The following MTMR3 variants were observed in gnomAD, a reference collection of about 807,000 sequenced individuals.
The protein encoded by MTMR3 is phosphatidylinositol-3,5-bisphosphate 3-phosphatase MTMR3.
Under a neutral mutation model 132.4 loss-of-function variants are expected in MTMR3, and 32 were observed. The observed-to-expected ratio is 0.24, with a 90% CI of 0.18 to 0.32. The LOEUF is 0.32. MTMR3 is among the 10% of genes least tolerant of loss of function. The probability of loss-of-function intolerance (pLI) is 1.00; values close to 1 mark genes in which losing one functional copy is unlikely to be tolerated. For missense variants in MTMR3, 1,216 were observed against 1,489.6 expected, an observed-to-expected ratio of 0.82 and a Z score of 3.02; for synonymous variants, 556 against 550.3, an observed-to-expected ratio of 1.01 and a Z score of -0.14.
intron 1 of MTMR3, among the ~76,000 whole-genome samples, chr22:29,947,269 GGAAATGTAATATTATTCT>G (rs1371167588): frequency 1.3e-5 from 2 of 151,980 alleles, no homozygotes; most frequent in Non-Finnish European, 2.9e-5. Context: ...GATTGACTTT[GGAAATGTAATATTATTCT>G]TAATTCACAG....
At chr22:29,991,859 G>A in intron 7 of MTMR3, 189 bp downstream of exon 7, 1 of 526,982 alleles carries the variant, frequency 1.9e-6, no homozygotes, top group Non-Finnish European at 3.1e-6. Context: ...GGGAAGGGAA[G>A]AACACTAGAA....
intron 1 of MTMR3, among the ~76,000 whole-genome samples, chr22:29,955,790 C>T (rs545940425): frequency 3.3e-4 from 50 of 152,198 alleles, no homozygotes; most frequent in Non-Finnish European, 6.0e-4. Flanking sequence ...CTCACACTGT[C>T]GCCAAGGCTG....
rs1555905377 is a variant in MTMR3, at chr22:29,957,274, T to TTC, written c.-85+186_-85+187insTC. 4.0e-5 allele frequency among the ~76,000 whole-genome samples: 6 copies of TTC among 151,356 alleles called. No homozygotes were observed. The East Asian group carries it at 7.7e-4, about 19-fold the overall frequency. ...CCTTACATGTGATTATTTTTTTTTTTCACTAGGACTCATACCAGGTCACTT... is the reference window on the plus strand; with the variant it reads ...CCTTACATGTGATTATTTTTTTTTTTTCCACTAGGACTCATACCAGGTCACTT... On this transcript the variant is annotated intron_variant, in intron 2 of 19. Transcript: ENST00000401950.
intron 1 of MTMR3, among the ~76,000 whole-genome samples, chr22:29,908,291 TA>T (rs2065141833): frequency 6.6e-6 from 1 of 152,234 alleles, no homozygotes; most frequent in South Asian, 2.1e-4. Flanking sequence ...ATACATAGTT[TA>T]GTAGTAAGCA....
intron 2 of MTMR3, among the ~76,000 whole-genome samples, chr22:29,958,047 C>CA (rs2066235764): frequency 6.6e-6 from 1 of 152,062 alleles, no homozygotes. Context: ...CAGGGATCCA[C>CA]AGGGGGTCTT....
At chr22:29,955,319 G>C (rs888901664) in intron 1 of MTMR3, among the ~76,000 whole-genome samples, 4 of 151,968 alleles carry the variant, frequency 2.6e-5, no homozygotes, top group African/African-American at 9.7e-5. Flanking sequence ...TAATGTCCTT[G>C]CTCTAATAAA....
At chr22:29,958,900 TAGATTGGTTTTAGTAG>T (rs1414060159) in intron 2 of MTMR3, among the ~76,000 whole-genome samples, 1 of 152,132 alleles carries the variant, frequency 6.6e-6, no homozygotes, top group South Asian at 2.1e-4. Context: ...GGGAGGAGAA[TAGATTGGTTTTAGTAG>T]AGATTGGTCA....
Position 30,028,166 on chromosome 22 carries a change from A to G in MTMR3, c.*2365A>G, listed in dbSNP as rs1601452498. On this transcript the variant is annotated 3_prime_UTR_variant, in exon 20 of 20. Coordinates refer to ENST00000401950, the MANE Select transcript of MTMR3 (RefSeq NM_021090.4). Reference sequence around the variant, plus strand: ...GTTCCCATCAGTAGTCATTACAACTACCTCTCGCCTCAAGGCTCCATTTTT... The same window carrying G: ...GTTCCCATCAGTAGTCATTACAACTGCCTCTCGCCTCAAGGCTCCATTTTT... 1 of 152,210 alleles carries G rather than the reference A, an allele frequency of 6.6e-6. No individual in the cohort carries two copies. Among genetic ancestry groups the G allele is most frequent in the South Asian group, 2.1e-4 (1 of 4,818 alleles). 9.4% of individuals were successfully genotyped at this position (152,210 alleles called of 1,614,324 possible). A position where few individuals can be genotyped will look rare whatever the true frequency, so the allele number is the denominator to read the frequency against.
At chr22:29,991,736 A>T in intron 7 of MTMR3, 66 bp downstream of exon 7, 1 of 1,465,208 alleles carries the variant, frequency 6.8e-7, no homozygotes, top group Non-Finnish European at 9.1e-7. Flanking sequence ...GGTACTTTTA[A>T]CATGAAATGG....
chr22:29,903,811 T>A (rs1010890917), intron 1 of MTMR3, among the ~76,000 whole-genome samples: 3 of 152,184 alleles, frequency 2.0e-5, no homozygotes, highest in Non-Finnish European at 4.4e-5. Context: ...TAATGTATGT[T>A]CCTTCTGATG....
At chr22:29,955,249 T>G (rs908012514) in intron 1 of MTMR3, among the ~76,000 whole-genome samples, 1 of 152,094 alleles carries the variant, frequency 6.6e-6, no homozygotes, top group African/African-American at 2.4e-5. Flanking sequence ...CCTCCCAAAG[T>G]GTTGGGATTA....
At chr22:29,979,218 C>A (rs955539585) in intron 5 of MTMR3, 166 bp downstream of exon 5, 2 of 516,402 alleles carry the variant, frequency 3.9e-6, no homozygotes, top group Non-Finnish European at 7.0e-6. Context: ...CTTGGCCAGG[C>A]GCGGTGGCTC....
In MTMR3 at chr22:30,007,252, C is replaced by T. The variant is rs764395988; in HGVS notation, c.810C>T (p.Ser270=). Residue 270 remains serine, a synonymous_variant, in exon 10 of 20, where the codon AGC becomes AGT. Coordinates refer to ENST00000401950, the MANE Select transcript of MTMR3 (RefSeq NM_021090.4). The part of the protein sequence containing the change: ...ACASDSRSSG[S]KLSTRNTSRD... ...CCTCTGACTCCCGATCGAGTGGCAG[C>T]AAGCTGTCAACTAGGAACACTTCTC... is the stretch of plus-strand genomic sequence containing the variant. The T allele has an allele frequency of 1.2e-6, 2 of 1,614,094 alleles. No homozygotes were observed. The highest frequency in any genetic ancestry group is 2.7e-5 in the African/African-American group (2 of 74,936).
chr22:29,971,081 G>T lies in MTMR3; in HGVS notation c.3+19G>T. 10 of 1,570,976 alleles carry T rather than the reference G, an allele frequency of 6.4e-6. No homozygotes were observed. The highest frequency in any genetic ancestry group is 8.6e-6 in the Non-Finnish European group (10 of 1,163,560). ...TGTCATGGTAAGTACAAGGAAATAA[G>T]AGTAAAAAAAAAAACAAAAAACCCT... On this transcript the variant is annotated intron_variant, in intron 3 of 19. Coordinates refer to ENST00000401950, the MANE Select transcript of MTMR3 (RefSeq NM_021090.4).
intron 1 of MTMR3, among the ~76,000 whole-genome samples, chr22:29,939,068 C>T (rs1041197577): frequency 1.3e-5 from 2 of 152,068 alleles, no homozygotes; most frequent in African/African-American, 4.8e-5. Context: ...ATGATATACC[C>T]GCCTCGGCCT....
chr22:29,913,009 G>A (rs560862372), intron 1 of MTMR3, among the ~76,000 whole-genome samples: 4 of 152,248 alleles, frequency 2.6e-5, no homozygotes, highest in African/African-American at 9.6e-5. Context: ...CTGGGAAGCC[G>A]AGGCGAGAGA....
chr22:29,977,898 G>C (rs2066660616), intron 3 of MTMR3, among the ~76,000 whole-genome samples: 2 of 152,194 alleles, frequency 1.3e-5, no homozygotes, highest in Admixed American at 1.3e-4. Context: ...TGTTATCGCA[G>C]CACTTTGGGA....
intron 1 of MTMR3, among the ~76,000 whole-genome samples, chr22:29,939,617 A>C (rs1336679186): frequency 1.3e-5 from 2 of 152,328 alleles, no homozygotes; most frequent in Middle Eastern, 3.4e-3. Context: ...GGTAGACCTT[A>C]GTGACTTTCT....
chr22:29,934,689 C>T (rs2065714309), intron 1 of MTMR3, among the ~76,000 whole-genome samples: 1 of 152,114 alleles, frequency 6.6e-6, no homozygotes, highest in Non-Finnish European at 1.5e-5. Flanking sequence ...GTTGTTTGTC[C>T]TACCCTGTTA....
Sources: allele counts gnomAD v4.1 joint callset (sites outside exome capture counted in the v4.1 genomes callset), GRCh38; gene constraint gnomAD v4.1.1; transcripts MANE v1.5; gene names NCBI Gene and HGNC (gene_info 2026-07-23, HGNC 2026-07-21).